NELL1: variants seen among roughly 807,000 people sequenced by gnomAD.
The protein encoded by NELL1 is protein kinase C-binding protein NELL1.
Under a neutral mutation model 107.4 loss-of-function variants are expected in NELL1, and 76 were observed. That is an observed-to-expected ratio of 0.71 (90% CI 0.59 to 0.86). The LOEUF (loss-of-function observed/expected upper bound fraction) is 0.86, where lower values mean the gene tolerates loss of function less well. Ranked by LOEUF, NELL1 falls within the 40% of genes least tolerant of loss-of-function variation. The pLI is 0.00. For missense variants in NELL1, 1,024 were observed against 1,005.5 expected (o/e 1.02, Z -0.25); for synonymous variants, 353 against 341.2 (o/e 1.03, Z -0.38).
intron 10 of NELL1, among the ~76,000 whole-genome samples, chr11:20,941,791 T>C (rs1850860601): frequency 6.6e-6 from 1 of 152,022 alleles, no homozygotes; most frequent in Non-Finnish European, 1.5e-5. Context: ...TATTCTTTGG[T>C]GGTCATGGGC....
intron 14 of NELL1, among the ~76,000 whole-genome samples, chr11:21,322,166 T>G (rs1850025875): frequency 6.6e-6 from 1 of 152,128 alleles, no homozygotes; most frequent in Non-Finnish European, 1.5e-5. Flanking sequence ...CTCAGAACAA[T>G]CCCTTTCCAA....
intron 8 of NELL1, among the ~76,000 whole-genome samples, 160 bp from the exon 9 acceptor site, chr11:20,928,217 C>T (rs4363596): frequency 0.8 from 121,952 of 152,114 alleles, 49,448 homozygotes; most frequent in East Asian, 1. Context: ...TCATTCGGGC[C>T]GGAGAAAACA....
At chr11:20,799,952 T>C (rs1857249874) in intron 3 of NELL1, among the ~76,000 whole-genome samples, 2 of 152,212 alleles carry the variant, frequency 1.3e-5, no homozygotes, top group African/African-American at 2.4e-5. Flanking sequence ...AGTAAGAACA[T>C]GCAATATTTG....
chr11:21,218,858 T>C (rs1035587228), intron 13 of NELL1, among the ~76,000 whole-genome samples: 2 of 152,228 alleles, frequency 1.3e-5, no homozygotes, highest in Non-Finnish European at 2.9e-5. Flanking sequence ...CCATTGTGTA[T>C]ACATGACACA....
chr11:21,506,934 A>C (rs892715102), intron 15 of NELL1, among the ~76,000 whole-genome samples: 2 of 152,182 alleles, frequency 1.3e-5, no homozygotes, highest in Non-Finnish European at 2.9e-5. Flanking sequence ...AGAAAAATAA[A>C]GGACAGGACT....
At chr11:21,551,966 G>T (rs201333851) in intron 16 of NELL1, among the ~76,000 whole-genome samples, 1,707 of 145,336 alleles carry the variant, frequency 0.012, 35 homozygotes, top group East Asian at 0.072. Context: ...CATAAAAAAT[G>T]ATGAGTTCAT....
At chr11:20,953,604 A>T (rs2134205856) in intron 11 of NELL1, among the ~76,000 whole-genome samples, 1 of 152,314 alleles carries the variant, frequency 6.6e-6, no homozygotes, top group South Asian at 2.1e-4. Flanking sequence ...AGAGCTCGAT[A>T]CAGGACCACC....
chr11:21,454,478 T>C (rs1326247413), intron 15 of NELL1, among the ~76,000 whole-genome samples: 1 of 152,192 alleles, frequency 6.6e-6, no homozygotes, highest in Non-Finnish European at 1.5e-5. Context: ...CTCTCTGCTG[T>C]TTTTCTCATA....
At chr11:21,490,741 A>G (rs991350369) in intron 15 of NELL1, among the ~76,000 whole-genome samples, 16 of 152,144 alleles carry the variant, frequency 1.1e-4, no homozygotes, top group African/African-American at 3.9e-4. Flanking sequence ...AAAATTGGAT[A>G]TCCATATGCA....
At chr11:21,325,904 G>C (rs1850120909) in intron 14 of NELL1, among the ~76,000 whole-genome samples, 1 of 151,592 alleles carries the variant, frequency 6.6e-6, no homozygotes, top group Non-Finnish European at 1.5e-5. Flanking sequence ...TTTTTGACAA[G>C]TTTCTTTCAT....
intron 17 of NELL1, among the ~76,000 whole-genome samples, chr11:21,569,508 A>G (rs996772145): frequency 1.3e-5 from 2 of 151,752 alleles, no homozygotes; most frequent in African/African-American, 4.8e-5. Context: ...ACTTAAAACC[A>G]TTGAAAGAGA....
At chr11:21,132,201 G>A (rs1855634840) in intron 13 of NELL1, among the ~76,000 whole-genome samples, 1 of 152,070 alleles carries the variant, frequency 6.6e-6, no homozygotes, top group African/African-American at 2.4e-5. Flanking sequence ...GTGTGTGTGT[G>A]TGTGCATGTC....
intron 14 of NELL1, among the ~76,000 whole-genome samples, chr11:21,319,494 T>TTATATATATATATATATATATATATA (rs143740709): frequency 1.5e-5 from 2 of 135,628 alleles, no homozygotes; most frequent in Non-Finnish European, 3.1e-5. Flanking sequence ...CCAGCTAAAT[T>TTATATATATATATATATATATATATA]TATATATATA....
chr11:20,919,615 C>T (rs1850333957), intron 7 of NELL1, among the ~76,000 whole-genome samples: 1 of 151,984 alleles, frequency 6.6e-6, no homozygotes, highest in African/African-American at 2.4e-5. Flanking sequence ...AAGGAATTTT[C>T]CTATTGGCTA....
chr11:21,391,103 C>A (rs1195004999), intron 15 of NELL1, among the ~76,000 whole-genome samples: 1 of 151,738 alleles, frequency 6.6e-6, no homozygotes, highest in African/African-American at 2.4e-5. Flanking sequence ...TTTTATTCTT[C>A]CTTTCTACTT....
chr11:20,933,158 G>C (rs998105654), intron 9 of NELL1, among the ~76,000 whole-genome samples: 2 of 152,252 alleles, frequency 1.3e-5, no homozygotes, highest in Non-Finnish European at 2.9e-5. Context: ...TGGAGGTGGT[G>C]GGGGATATGG....
intron 14 of NELL1, among the ~76,000 whole-genome samples, chr11:21,353,830 T>A (rs1850870276): frequency 1.3e-5 from 2 of 152,174 alleles, no homozygotes; most frequent in African/African-American, 4.8e-5. Flanking sequence ...AAACATGGAA[T>A]TAAAAGTAGT....
chr11:21,303,903 G>A (rs1380066931), intron 14 of NELL1, among the ~76,000 whole-genome samples: 1 of 151,948 alleles, frequency 6.6e-6, no homozygotes, highest in East Asian at 1.9e-4. Context: ...GTCCACTGGA[G>A]GGGATAATCA....
intron 14 of NELL1, among the ~76,000 whole-genome samples, chr11:21,358,047 G>A (rs1285572533): frequency 6.6e-6 from 1 of 152,114 alleles, no homozygotes; most frequent in African/African-American, 2.4e-5. Flanking sequence ...GATAACTATA[G>A]CCTTGTAGCA....
Sources: gnomAD v4.1 joint callset for allele counts (sites outside exome capture counted in the v4.1 genomes callset) on GRCh38, gnomAD v4.1.1 for gene constraint, MANE v1.5 for transcripts, NCBI Gene and HGNC (gene_info 2026-07-23, HGNC 2026-07-21) for gene names.